The following SLC44A5 variants were observed in gnomAD, a reference collection of about 807,000 sequenced individuals.
SLC44A5 encodes choline transporter-like protein 5.
A neutral mutation model predicts 101.8 loss-of-function variants in SLC44A5; 57 were observed. The observed-to-expected ratio is 0.56, with a 90% CI of 0.45 to 0.70. The LOEUF (loss-of-function observed/expected upper bound fraction) is 0.70. Among genes scored for constraint, SLC44A5 ranks in the 30% least tolerant of loss-of-function variants. The pLI, the probability that SLC44A5 is intolerant of heterozygous loss-of-function variation, is 0.00. For synonymous variants in SLC44A5, 281 were observed against 290.9 expected, an observed-to-expected ratio of 0.97 and a Z score of 0.35; for missense variants, 737 against 853.1, an observed-to-expected ratio of 0.86 and a Z score of 1.70.
intron 4 of SLC44A5, among the ~76,000 whole-genome samples, chr1:75,330,102 TATATACAC>T (rs1489107043): frequency 7.0e-5 from 10 of 142,414 alleles, no homozygotes; most frequent in Non-Finnish European, 1.5e-4. Context: ...GAAATATATA[TATATACAC>T]ACACACACAC....
intron 2 of SLC44A5, among the ~76,000 whole-genome samples, chr1:75,419,262 T>A (rs564932401): frequency 6.6e-6 from 1 of 152,022 alleles, no homozygotes; most frequent in South Asian, 2.1e-4. Context: ...AAGAATTTCA[T>A]CAAACCCCAG....
chr1:75,504,688 T>C (rs753279151), intron 2 of SLC44A5, among the ~76,000 whole-genome samples: 3 of 152,148 alleles, frequency 2.0e-5, no homozygotes, highest in Non-Finnish European at 4.4e-5. Flanking sequence ...TTGAAATCTG[T>C]ACATGTAAAA....
At chr1:75,329,689 A>T (rs1466455065) in intron 4 of SLC44A5, among the ~76,000 whole-genome samples, 6 of 152,086 alleles carry the variant, frequency 3.9e-5, no homozygotes, top group Admixed American at 2.6e-4. Context: ...TAAAAACTGA[A>T]ATGAAATTCC....
chr1:75,622,418 TAGA>T, the SLC44A5 span, among the ~76,000 whole-genome samples: 6 of 152,034 alleles, frequency 3.9e-5, no homozygotes, highest in East Asian at 1.9e-4. Flanking sequence ...TGCATTCCTC[TAGA>T]AGGAGTTAAT....
chr1:75,407,142 C>T (rs1299443482), intron 2 of SLC44A5, among the ~76,000 whole-genome samples: 1 of 151,982 alleles, frequency 6.6e-6, no homozygotes, highest in Non-Finnish European at 1.5e-5. Flanking sequence ...CCTAGGAATC[C>T]AACTTACAAA....
At chr1:75,529,157 T>C (rs1670586058) in intron 2 of SLC44A5, among the ~76,000 whole-genome samples, 1 of 152,180 alleles carries the variant, frequency 6.6e-6, no homozygotes, top group African/African-American at 2.4e-5. Context: ...ATAAATGCTT[T>C]GTTGGATGGA....
intron 4 of SLC44A5, among the ~76,000 whole-genome samples, chr1:75,303,133 G>A (rs1203359187): frequency 6.6e-6 from 1 of 152,150 alleles, no homozygotes; most frequent in Non-Finnish European, 1.5e-5. Flanking sequence ...GTCAATGCAA[G>A]TAGAGGTAAA....
At chr1:75,576,072 A>G (rs1409960978) in intron 1 of SLC44A5, among the ~76,000 whole-genome samples, 1 of 151,840 alleles carries the variant, frequency 6.6e-6, no homozygotes, top group Non-Finnish European at 1.5e-5. Flanking sequence ...CACCCTAGCT[A>G]GACAGATGTG....
At chr1:75,408,891 T>C (rs1663089333) in intron 2 of SLC44A5, among the ~76,000 whole-genome samples, 1 of 152,160 alleles carries the variant, frequency 6.6e-6, no homozygotes, top group South Asian at 2.1e-4. Context: ...TACTGTCACT[T>C]AATAGGTACT....
chr1:75,441,281 A>G (rs1006427014), intron 2 of SLC44A5, among the ~76,000 whole-genome samples: 5 of 152,274 alleles, frequency 3.3e-5, no homozygotes, highest in Admixed American at 1.3e-4. Flanking sequence ...CATTTATGCA[A>G]CATATTCAGC....
chr1:75,425,077 T>G (rs184294079), intron 2 of SLC44A5, among the ~76,000 whole-genome samples: 4 of 152,334 alleles, frequency 2.6e-5, no homozygotes, highest in African/African-American at 9.6e-5. Context: ...AAATGTTATC[T>G]TCATTTATTG....
chr1:75,502,483 C>T (rs996252684), intron 2 of SLC44A5, among the ~76,000 whole-genome samples: 1 of 151,928 alleles, frequency 6.6e-6, no homozygotes, highest in Non-Finnish European at 1.5e-5. Flanking sequence ...ACAGTATGGA[C>T]CCTCAATTAA....
chr1:75,314,066 T>A (rs1655510800), intron 4 of SLC44A5, among the ~76,000 whole-genome samples: 1 of 152,238 alleles, frequency 6.6e-6, no homozygotes, highest in Non-Finnish European at 1.5e-5. Context: ...ATTTAATTTC[T>A]CTATTTTTAC....
At chr1:75,690,462 T>C in the SLC44A5 span, among the ~76,000 whole-genome samples, 1 of 152,090 alleles carries the variant, frequency 6.6e-6, no homozygotes, top group Non-Finnish European at 1.5e-5. Flanking sequence ...GATGGAAATC[T>C]CTGAGAGGGG....
chr1:75,466,394 T>C (rs563538023), intron 2 of SLC44A5, among the ~76,000 whole-genome samples: 65 of 152,278 alleles, frequency 4.3e-4, no homozygotes, highest in African/African-American at 1.4e-3. Context: ...TGGTGGCTCA[T>C]GCCTGTAATC....
chr1:75,414,106 C>T (rs144518367), intron 2 of SLC44A5, among the ~76,000 whole-genome samples: 3 of 152,164 alleles, frequency 2.0e-5, no homozygotes, highest in African/African-American at 7.2e-5. Context: ...ACCCTGCTTG[C>T]ATTTAACCTA....
chr1:75,347,797 T>C (rs1202978928), intron 3 of SLC44A5, among the ~76,000 whole-genome samples: 3 of 152,072 alleles, frequency 2.0e-5, no homozygotes, highest in Non-Finnish European at 4.4e-5. Context: ...AAGTCAAAGA[T>C]ACAATAGCCT....
intron 3 of SLC44A5, among the ~76,000 whole-genome samples, chr1:75,388,844 C>T (rs1407593023): frequency 6.6e-6 from 1 of 151,446 alleles, no homozygotes; most frequent in African/African-American, 2.4e-5. Context: ...GGCCTAAACA[C>T]CCCACTAAAA....
chr1:75,289,730 G>A (rs566042130), intron 5 of SLC44A5, among the ~76,000 whole-genome samples: 1 of 152,232 alleles, frequency 6.6e-6, no homozygotes, highest in East Asian at 1.9e-4. Flanking sequence ...ATTTATAGAC[G>A]GCTGTGGAGG....
Sources: allele counts gnomAD v4.1 joint callset (sites outside exome capture counted in the v4.1 genomes callset), GRCh38; gene constraint gnomAD v4.1.1; transcripts MANE v1.5; gene names NCBI Gene and HGNC (gene_info 2026-07-23, HGNC 2026-07-21).